PPP1R37: variants seen among roughly 807,000 people sequenced by gnomAD.
PPP1R37 encodes protein phosphatase 1 regulatory subunit 37.
Under a neutral mutation model 61.0 loss-of-function variants are expected in PPP1R37, and 21 were observed. The ratio of observed to expected loss-of-function variants is 0.34; its 90% CI spans 0.24 to 0.50. The LOEUF (loss-of-function observed/expected upper bound fraction) is 0.50, where lower values mean the gene tolerates loss of function less well. Among genes scored for constraint, PPP1R37 ranks in the 20% least tolerant of loss-of-function variants. PPP1R37 has a pLI of 0.98. For missense variants in PPP1R37, 910 were observed against 952.7 expected (o/e 0.96, Z 0.59); for synonymous variants, 443 against 433.5 (o/e 1.02, Z -0.27).
Position 45,145,715 on chromosome 19 carries a change from C to T in PPP1R37, c.1659C>T (p.Thr553=), listed in dbSNP as rs573051714. ...RSPPGSPSTP[T]EQRISVSSPG... ...CCCCAGGCAGCCCCTCCACACCCAC[C>T]GAGCAGCGGATTTCCGTGTCCAGCC... Residue 553 remains threonine (T), a synonymous_variant, in exon 11 of 13, where the codon ACC becomes ACT. Coordinates refer to ENST00000221462, the MANE Select transcript of PPP1R37 (RefSeq NM_019121.2). 1,132 of 1,534,038 alleles carry T rather than the reference C, an allele frequency of 7.4e-4. 3 individuals carry two copies. In the African/African-American group the frequency reaches 9.3e-3, roughly 13 times the overall value.
intron 6 of PPP1R37, 44 bp downstream of exon 6, chr19:45,142,255 TG>T (rs1433922596): frequency 3.3e-6 from 5 of 1,534,046 alleles, no homozygotes; most frequent in Non-Finnish European, 3.5e-6. Context: ...TGCAGCCTGT[TG>T]GGGGGCAGGG....
At chr19:45,134,977 C>T (rs957991017) in intron 1 of PPP1R37, among the ~76,000 whole-genome samples, 92 of 152,186 alleles carry the variant, frequency 6.0e-4, no homozygotes, top group Middle Eastern at 3.4e-3. Flanking sequence ...TGGCTGGGCA[C>T]GGTGGCTCAC....
rs549500881 is a variant in PPP1R37, at chr19:45,106,147, A to G, written c.202+12620A>G. 2.5e-4 allele frequency among the ~76,000 whole-genome samples: 38 copies of G among 152,224 alleles called. No homozygotes were observed. In the South Asian group the frequency reaches 7.7e-3, roughly 31 times the overall value. On this transcript the variant is annotated intron_variant, in intron 1 of 12. Coordinates refer to ENST00000221462, the MANE Select transcript of PPP1R37 (RefSeq NM_019121.2). ...TCCTCATCTCAGGGGTAGAGGGGTAACCAGAGAGGGGCGGCACTTACCCAA... is the reference window on the plus strand; with the variant it reads ...TCCTCATCTCAGGGGTAGAGGGGTAGCCAGAGAGGGGCGGCACTTACCCAA...
Position 45,145,994 on chromosome 19 carries a change from C to T in PPP1R37, c.1938C>T (p.Pro646=). The T allele has an allele frequency of 6.5e-7, 1 of 1,533,822 alleles. No individual in the cohort carries two copies. Among genetic ancestry groups the T allele is most frequent in the South Asian group, 1.2e-5 (1 of 83,880 alleles). Residue 646 remains proline (P), a synonymous_variant, in exon 11 of 13, where the codon CCC becomes CCT. Coordinates refer to ENST00000221462, the MANE Select transcript of PPP1R37 (RefSeq NM_019121.2). The part of the protein sequence containing the change: ...GLKPEFALAL[P]PEPPPGPEVK... Reference sequence around the variant, plus strand: ...AGCCCGAGTTCGCCCTGGCACTGCCCCCTGAGCCGCCCCCGGGGCCTGAGG... The same window carrying T: ...AGCCCGAGTTCGCCCTGGCACTGCCTCCTGAGCCGCCCCCGGGGCCTGAGG...
chr19:45,138,905 CTTTTTTTTTTT>C (rs34081163), intron 2 of PPP1R37, among the ~76,000 whole-genome samples: 4 of 73,052 alleles, frequency 5.5e-5, no homozygotes, highest in African/African-American at 1.1e-4. Flanking sequence ...TTTATGTATT[CTTTTTTTTTTT>C]TTTTTTTTTT....
chr19:45,106,347 T>A (rs1275372628), intron 1 of PPP1R37, among the ~76,000 whole-genome samples: 1 of 152,152 alleles, frequency 6.6e-6, no homozygotes, highest in Non-Finnish European at 1.5e-5. Flanking sequence ...GTTTAAGCGA[T>A]TCTCCTGCCT....
intron 1 of PPP1R37, among the ~76,000 whole-genome samples, chr19:45,111,083 C>T (rs1338886170): frequency 6.6e-6 from 1 of 152,126 alleles, no homozygotes; most frequent in Non-Finnish European, 1.5e-5. Context: ...CCTTGTCAAG[C>T]ACCTCGGTGC....
At chr19:45,119,303 T>A (rs1968310058) in intron 1 of PPP1R37, among the ~76,000 whole-genome samples, 1 of 151,872 alleles carries the variant, frequency 6.6e-6, no homozygotes, top group Non-Finnish European at 1.5e-5. Flanking sequence ...TACAGGCATG[T>A]GTCACCATAC....
chr19:45,145,854 G>A lies in PPP1R37; in HGVS notation c.1798G>A (p.Ala600Thr), dbSNP rs756568951. The change falls in exon 11 of 13, where the codon GCC (alanine) becomes ACC (threonine). Residue 600 changes from alanine (A) to threonine (T), a missense_variant. Physicochemically the swap from Ala to Thr is moderately conservative, Grantham distance 58. Around this residue, in one of 3 missense-constraint regions of PPP1R37, gnomAD observed 549 missense variants for 505.1 expected, o/e 1.09. Transcript: ENST00000221462. ...TCCCCCACCCCCTCCCTCCCCACCCGCCTCACCTTCCCTACCACCAGCCGG... is the reference window on the plus strand; with the variant it reads ...TCCCCCACCCCCTCCCTCCCCACCCACCTCACCTTCCCTACCACCAGCCGG... ...PSPPPPPSPP[A>T]SPSLPPAGAI... 208 of 534,966 alleles carry A rather than the reference G, an allele frequency of 3.9e-4. 2 individuals carry two copies. The South Asian group carries it at 4.6e-3, about 12-fold the overall frequency. 33.1% of individuals were successfully genotyped at this position (534,966 alleles called of 1,614,324 possible).
chr19:45,144,118 A>G (rs1319321525), intron 8 of PPP1R37: 1 of 152,596 alleles, frequency 6.6e-6, no homozygotes, highest in Non-Finnish European at 1.5e-5. Flanking sequence ...GGTTCACACC[A>G]TTGTCCTGCC....
At chr19:45,127,442 A>G (rs1434784740) in intron 1 of PPP1R37, among the ~76,000 whole-genome samples, 2 of 150,928 alleles carry the variant, frequency 1.3e-5, no homozygotes, top group African/African-American at 4.9e-5. Context: ...TGGGCTCCAC[A>G]CCTGCACAGC....
At chr19:45,114,442 C>T (rs1312378929) in intron 1 of PPP1R37, among the ~76,000 whole-genome samples, 5 of 151,302 alleles carry the variant, frequency 3.3e-5, no homozygotes, top group African/African-American at 1.2e-4. Flanking sequence ...ACCACCCAGT[C>T]CAGCCCCCTG....
In PPP1R37 at chr19:45,130,010, G is replaced by T. The variant is rs778637224; in HGVS notation, c.203-8504G>T. 6.6e-6 allele frequency among the ~76,000 whole-genome samples: 1 copy of T among 152,222 alleles called. No homozygotes were observed. Among genetic ancestry groups the T allele is most frequent in the Non-Finnish European group, 1.5e-5 (1 of 68,026 alleles). On this transcript the variant is annotated intron_variant, in intron 1 of 12. Coordinates refer to ENST00000221462, the MANE Select transcript of PPP1R37 (RefSeq NM_019121.2). This position sits in a 1 kb window ranked among gnomAD's most constrained non-coding sequence, Gnocchi z 4.4. ...GGATAGTAAAAGGATGTCTCTTGGG[G>T]TGGCTGGGGGGCTTCTGTGGGGTCC... is the stretch of plus-strand genomic sequence containing the variant.
chr19:45,142,636 C>A, intron 7 of PPP1R37, 178 bp downstream of exon 7: 1 of 678,442 alleles, frequency 1.5e-6, no homozygotes, highest in Non-Finnish European at 2.4e-6. Context: ...GTGGGCAGGA[C>A]TGGGCTGGTG....
At chr19:45,109,865 A>G (rs1337659997) in intron 1 of PPP1R37, among the ~76,000 whole-genome samples, 1 of 152,118 alleles carries the variant, frequency 6.6e-6, no homozygotes, top group Non-Finnish European at 1.5e-5. Context: ...CTGCATCTGC[A>G]GCCTCAGCTC....
At position 45,145,225 on chromosome 19, in the gene PPP1R37, C is replaced by T. The variant is rs751636367; in HGVS notation, c.1261C>T (p.Arg421Cys). ...CCTCAAGGTGAACCACTCACTGCTG[C>T]GCCTGGACCTCGACCGTGAACCCAA... ...LALKVNHSLL[R>C]LDLDREPKKE... The change falls in exon 10 of 13, where the codon CGC becomes TGC. Residue 421 changes from arginine (R) to cysteine (C), a missense_variant. Physicochemically the swap from Arg to Cys is radical, Grantham distance 180. Coordinates refer to ENST00000221462, the MANE Select transcript of PPP1R37 (RefSeq NM_019121.2). 6.3e-5 allele frequency: 96 copies of T among 1,534,656 alleles called. No individual in the cohort carries two copies. The South Asian group carries it at 1.1e-3, about 18-fold the overall frequency.
rs141022777 is a variant in PPP1R37 at position 45,117,073 on chromosome 19, C to T, written c.203-21441C>T. 3.9e-3 allele frequency among the ~76,000 whole-genome samples: 587 copies of T among 151,974 alleles called. 2 individuals carry two copies. Among genetic ancestry groups the T allele is most frequent in the African/African-American group, 0.014 (565 of 41,424 alleles). ...GACTACAGGCACGTGTCACCACACC[C>T]GGCTAATTTTTGTATTTTTAGTAGA... On this transcript the variant is annotated intron_variant, in intron 1 of 12. Transcript: ENST00000221462.
chr19:45,120,461 T>A (rs2122730106), intron 1 of PPP1R37, among the ~76,000 whole-genome samples: 1 of 152,368 alleles, frequency 6.6e-6, no homozygotes, highest in South Asian at 2.1e-4. Context: ...ACTGCGTGGA[T>A]GAACTCTGGG....
intron 5 of PPP1R37, 85 bp from the exon 6 acceptor site, chr19:45,141,976 A>G (rs1378460547): frequency 1.9e-6 from 2 of 1,048,324 alleles, no homozygotes; most frequent in Non-Finnish European, 2.6e-6. Flanking sequence ...TCCTGGGGCC[A>G]GGGAGTGCTG....
Sources: allele counts gnomAD v4.1 joint callset (sites outside exome capture counted in the v4.1 genomes callset), GRCh38; gene constraint gnomAD v4.1.1; regional missense constraint gnomAD v4.1.1; non-coding constraint Gnocchi (gnomAD v3.1); transcripts MANE v1.5; gene names NCBI Gene and HGNC (gene_info 2026-07-23, HGNC 2026-07-21).